The following NUP35 variants were observed in gnomAD, a reference collection of about 807,000 sequenced individuals.
The protein encoded by NUP35 is nucleoporin NUP35.
In NUP35, 25 loss-of-function variants were observed where a neutral mutation model predicts 41.5. The ratio of observed to expected loss-of-function variants is 0.60; its 90% CI spans 0.44 to 0.84. NUP35 has a LOEUF of 0.84. Among genes scored for constraint, NUP35 ranks in the 40% least tolerant of loss-of-function variants. NUP35 has a pLI of 0.00. For synonymous variants in NUP35, 149 were observed against 130.7 expected (o/e 1.14, Z -0.96); for missense variants, 396 against 396.6 (o/e 1.00, Z 0.01).
intron 5 of NUP35, among the ~76,000 whole-genome samples, chr2:183,153,846 C>T (rs1186526474): frequency 6.6e-6 from 1 of 152,232 alleles, no homozygotes; most frequent in African/African-American, 2.4e-5. Context: ...CCCCACAGTT[C>T]CCTTCCGCAC....
chr2:183,132,090 C>T (rs1486226319), intron 3 of NUP35, among the ~76,000 whole-genome samples: 1 of 152,018 alleles, frequency 6.6e-6, no homozygotes, highest in African/African-American at 2.4e-5. Context: ...GTGAAATGGT[C>T]ATGCCCCACT....
intron 3 of NUP35, among the ~76,000 whole-genome samples, chr2:183,132,521 G>A (rs951474381): frequency 6.6e-6 from 1 of 152,026 alleles, no homozygotes; most frequent in African/African-American, 2.4e-5. Context: ...TCGTGTTACT[G>A]CACTCAGCCT....
chr2:183,127,009 A>G (rs1036823752), intron 1 of NUP35, among the ~76,000 whole-genome samples: 8 of 151,748 alleles, frequency 5.3e-5, no homozygotes, highest in Non-Finnish European at 8.9e-5. Flanking sequence ...TATACTTGCT[A>G]TAATTCTAAC....
At chr2:183,152,290 G>A (rs988595994) in intron 5 of NUP35, among the ~76,000 whole-genome samples, 16 of 152,004 alleles carry the variant, frequency 1.1e-4, no homozygotes, top group African/African-American at 3.6e-4. Context: ...TAAAAAAAAT[G>A]CTTTTTTATT....
upstream of NUP35, among the ~76,000 whole-genome samples, chr2:183,121,870 G>A (rs1700071713): frequency 6.8e-6 from 1 of 146,914 alleles, no homozygotes; most frequent in Admixed American, 6.9e-5. Flanking sequence ...AATAACACCT[G>A]TCATCAACCA....
intron 4 of NUP35, among the ~76,000 whole-genome samples, chr2:183,134,005 A>C (rs576128997): frequency 6.6e-6 from 1 of 152,316 alleles, no homozygotes; most frequent in South Asian, 2.1e-4. Flanking sequence ...AGCCATTGGA[A>C]TTGGGATGAA....
intron 5 of NUP35, among the ~76,000 whole-genome samples, chr2:183,152,921 TAA>T (rs1336801649): frequency 2.6e-5 from 4 of 152,188 alleles, no homozygotes; most frequent in African/African-American, 9.7e-5. Flanking sequence ...TTCATACTGA[TAA>T]AGACATATCC....
At position 183,161,027 on chromosome 2, in the gene NUP35, GT is replaced by G. The variant is rs746520135; in HGVS notation, c.904-19del. ...ACACTGAAGTAACAATAACCTAACC[GT>G]TTTTTTTGTGTGTGTTTTTTAATAG... On this transcript the variant is annotated intron_variant, in intron 8 of 8. Coordinates refer to ENST00000295119, the MANE Select transcript of NUP35 (RefSeq NM_138285.5). 3.1e-5 allele frequency: 49 copies of G among 1,566,370 alleles called. No homozygotes were observed. The highest frequency in any genetic ancestry group is 3.4e-4 in the Middle Eastern group (2 of 5,924).
At chr2:183,138,271 T>TATA (rs1559147396) in intron 4 of NUP35, among the ~76,000 whole-genome samples, 47 of 54,320 alleles carry the variant, frequency 8.7e-4, no homozygotes, top group East Asian at 2.6e-3. Context: ...ATATATATAT[T>TATA]TTTTTTTTTT....
intron 1 of NUP35, among the ~76,000 whole-genome samples, chr2:183,127,373 C>T (rs183225870): frequency 1.3e-5 from 2 of 151,882 alleles, no homozygotes; most frequent in East Asian, 3.9e-4. Context: ...CTGCCTTGGC[C>T]TCCCAAAGTG....
chr2:183,123,239 T>C (rs1241165817), upstream of NUP35, among the ~76,000 whole-genome samples: 1 of 152,234 alleles, frequency 6.6e-6, no homozygotes, highest in Non-Finnish European at 1.5e-5. Flanking sequence ...CCTCCAGAAC[T>C]GTAAGAGATA....
In NUP35 at chr2:183,124,488, C is replaced by T. The variant is rs1256252895; in HGVS notation, c.31C>T (p.Pro11Ser). The part of the protein sequence containing the change: MAAFAVEPQG[P>S]ALGSEPMMLG... ...AGCCTTTGCAGTGGAACCTCAGGGG[C>T]CCGCGTTAGGTGAGTGAAATATTGC... Residue 11 changes from proline to serine, a missense_variant, in exon 1 of 9, where the codon CCC (proline) becomes TCC (serine). Physicochemically the swap from Pro to Ser is moderately conservative, Grantham distance 74 (BLOSUM62 -1). Transcript: ENST00000295119. The T allele has an allele frequency of 6.2e-7, 1 of 1,614,120 alleles. No homozygotes were observed. Among genetic ancestry groups the T allele is most frequent in the South Asian group, 1.1e-5 (1 of 91,086 alleles).
chr2:183,155,094 G>A (rs1685607665), intron 5 of NUP35, among the ~76,000 whole-genome samples: 1 of 152,116 alleles, frequency 6.6e-6, no homozygotes, highest in Non-Finnish European at 1.5e-5. Context: ...CACAACACAT[G>A]GGAATTCTGG....
chr2:183,130,467 C>G lies in NUP35; in HGVS notation c.261C>G (p.Gly87=), dbSNP rs564735635. The change falls in exon 3 of 9, where the codon GGC becomes GGG. Residue 87 remains glycine (G), a synonymous_variant. Coordinates refer to ENST00000295119, the MANE Select transcript of NUP35 (RefSeq NM_138285.5). ...TACCAGCTCATAAAGATAAAAGTGG[C>G]GCTCCACCAGTTAGAAGTATATATG... ...PVVPAHKDKS[G]APPVRSIYDD... The G allele has an allele frequency of 6.2e-7, 1 of 1,603,474 alleles. No homozygotes were observed. Among genetic ancestry groups the G allele is most frequent in the Non-Finnish European group, 8.5e-7 (1 of 1,178,094 alleles).
At chr2:183,154,081 C>T (rs578161657) in intron 5 of NUP35, among the ~76,000 whole-genome samples, 259 of 152,246 alleles carry the variant, frequency 1.7e-3, no homozygotes, top group African/African-American at 5.5e-3. Flanking sequence ...CTTTCAGCCA[C>T]GGCTGCAGGG....
At chr2:183,143,878 A>T (rs147457120) in intron 4 of NUP35, among the ~76,000 whole-genome samples, 3 of 152,310 alleles carry the variant, frequency 2.0e-5, no homozygotes, top group East Asian at 1.9e-4. Context: ...GTACCATTCA[A>T]TATGCTTTTT....
chr2:183,152,144 CACACACACA>C (rs1357899394), intron 5 of NUP35, among the ~76,000 whole-genome samples: 4 of 136,686 alleles, frequency 2.9e-5, no homozygotes, highest in African/African-American at 1.2e-4. Context: ...CACACACACA[CACACACACA>C]CAATGTCACA....
At position 183,128,453 on chromosome 2, in the gene NUP35, T is replaced by A. The variant is rs761285582; in HGVS notation, c.207T>A (p.Leu69=). The A allele has an allele frequency of 6.2e-7, 1 of 1,610,034 alleles. No homozygotes were observed. Residue 69 remains leucine, a synonymous_variant, in exon 2 of 9, where the codon CTT becomes CTA. Transcript: ENST00000295119. ...TAATGGAAATGAGATCACCTTTACTTGCAGGTAGGTGAATTGCTTAAAATA... is the reference window on the plus strand; with the variant it reads ...TAATGGAAATGAGATCACCTTTACTAGCAGGTAGGTGAATTGCTTAAAATA... ...VGVMEMRSPL[L]AGGSPPQPVV... is the part of the protein sequence containing the mutation.
chr2:183,135,884 T>TA (rs1684857825), intron 4 of NUP35, among the ~76,000 whole-genome samples: 9 of 147,294 alleles, frequency 6.1e-5, no homozygotes, highest in African/African-American at 1.8e-4. Flanking sequence ...AAATAAAAAT[T>TA]TAAAAAAAAA....
Sources: allele counts gnomAD v4.1 joint callset (sites outside exome capture counted in the v4.1 genomes callset), GRCh38; gene constraint gnomAD v4.1.1; transcripts MANE v1.5; gene names NCBI Gene and HGNC (gene_info 2026-07-23, HGNC 2026-07-21).